The following KIF21B variants were observed in gnomAD, a reference collection of about 807,000 sequenced individuals.
The protein encoded by KIF21B is kinesin family member 21B.
Under a neutral mutation model 192.9 loss-of-function variants are expected in KIF21B, and 85 were observed. The ratio of observed to expected loss-of-function variants is 0.44; its 90% CI spans 0.37 to 0.53. The LOEUF is 0.53. Among genes scored for constraint, KIF21B ranks in the 20% least tolerant of loss-of-function variants. The probability of loss-of-function intolerance (pLI) is 0.00; values close to 1 mark genes in which losing one functional copy is unlikely to be tolerated. For missense variants in KIF21B, 1,716 were observed against 2,194.8 expected (o/e 0.78, Z 4.36); for synonymous variants, 832 against 884.6 (o/e 0.94, Z 1.05).
intron 6 of KIF21B, 91 bp downstream of exon 6, chr1:201,004,675 A>G: frequency 6.7e-7 from 1 of 1,486,346 alleles, no homozygotes; most frequent in Non-Finnish European, 9.4e-7. Context: ...ATGTCCAAGG[A>G]GGACTCAGCA....
At position 200,975,754 on chromosome 1, in the gene KIF21B, G is replaced by T; in HGVS notation, c.4444-85C>A. 1 of 1,354,650 alleles carries T rather than the reference G, an allele frequency of 7.4e-7. No individual in the cohort carries two copies. 83.9% of individuals were successfully genotyped at this position (1,354,650 alleles called of 1,614,324 possible). A position where few individuals can be genotyped will look rare whatever the true frequency, so the allele number is the denominator to read the frequency against. ...AGCACTGTGGACCCAGAGGCCTGAA[G>T]ACCCAGGAGTCTGGCTAGGGTGACA... On this transcript the variant is annotated intron_variant, in intron 32 of 34. Coordinates refer to ENST00000461742, the MANE Select transcript of KIF21B (RefSeq NM_001252102.2). The surrounding 1 kb of genome is among the most constrained non-coding windows in gnomAD (Gnocchi z 4.3).
In KIF21B at chr1:201,004,808, A is replaced by G. The variant is rs757781354; in HGVS notation, c.858T>C (p.Thr286=). Residue 286 remains threonine, a synonymous_variant, in exon 6 of 35, where the codon ACT becomes ACC. Coordinates refer to ENST00000461742, the MANE Select transcript of KIF21B (RefSeq NM_001252102.2). ...AGATGCCCTCCTTGGCCCGCTCGCCAGTAGCCCCTGTCCGCTTCAGCCGCT... is the reference window on the plus strand; with the variant it reads ...AGATGCCCTCCTTGGCCCGCTCGCCGGTAGCCCCTGTCCGCTTCAGCCGCT... ...GSERLKRTGA[T]GERAKEGISI... 2 of 1,614,094 alleles carry G rather than the reference A, an allele frequency of 1.2e-6. No homozygotes were observed. Among genetic ancestry groups the G allele is most frequent in the Non-Finnish European group, 1.7e-6 (2 of 1,180,028 alleles).
chr1:200,981,237 A>C (rs1453265439), intron 28 of KIF21B, 141 bp from the exon 29 acceptor site: 7 of 821,150 alleles, frequency 8.5e-6, no homozygotes, highest in South Asian at 4.2e-5. Context: ...ACTCCAGCCA[A>C]ATTCCACCAA....
Position 200,998,302 on chromosome 1 carries a change from A to T in KIF21B, c.2077+82T>A. On this transcript the variant is annotated intron_variant, in intron 14 of 34. Coordinates refer to ENST00000461742, the MANE Select transcript of KIF21B (RefSeq NM_001252102.2). The surrounding 1 kb of genome is among the most constrained non-coding windows in gnomAD (Gnocchi z 4.3). ...CCTAGAAGGCCAGGATAACCCCAAC[A>T]CACCAGCTGCTTTTGACAGAGGAGG... The T allele has an allele frequency of 7.2e-7, 1 of 1,392,116 alleles. No individual in the cohort carries two copies. Among genetic ancestry groups the T allele is most frequent in the Non-Finnish European group, 9.9e-7 (1 of 1,013,588 alleles). The allele number at this position is 1,392,116 out of a possible 1,614,324, so 86.2% of individuals were successfully genotyped here. A position where few individuals can be genotyped will look rare whatever the true frequency, so the allele number is the denominator to read the frequency against.
chr1:201,000,368 GC>G lies in KIF21B; in HGVS notation c.1685+21del. 6.5e-7 allele frequency: 1 copy of G among 1,535,578 alleles called. No individual in the cohort carries two copies. Among genetic ancestry groups the G allele is most frequent in the Admixed American group, 2.2e-5 (1 of 45,638 alleles). The stretch of plus-strand genomic sequence containing the variant: ...TGGGGCGGTCTGAGGGCTCTCAGGG[GC>G]GGGGACGACACTCCACTCACCTCTT... On this transcript the variant is annotated intron_variant, in intron 11 of 34. Transcript: ENST00000461742. This position sits in a 1 kb window ranked among gnomAD's most constrained non-coding sequence, Gnocchi z 6.0.
Position 201,004,823 on chromosome 1 carries a change from C to T in KIF21B, c.843G>A (p.Lys281=). 6.2e-7 allele frequency: 1 copy of T among 1,614,150 alleles called. No individual in the cohort carries two copies. Among genetic ancestry groups the T allele is most frequent in the South Asian group, 1.1e-5 (1 of 91,082 alleles). The part of the protein sequence containing the change: ...FVDLAGSERL[K]RTGATGERAK... ...CCCGCTCGCCAGTAGCCCCTGTCCG[C>T]TTCAGCCGCTCTGAGCCGGCCAGGT... Residue 281 remains lysine, a synonymous_variant, in exon 6 of 35, where the codon AAG becomes AAA. Transcript: ENST00000461742.
At position 201,010,996 on chromosome 1, in the gene KIF21B, C is replaced by T. The variant is rs550598488; in HGVS notation, c.42-1508G>A. ...TCTGGGCCTTCTTCAGAAGTGTTTC[C>T]GGGGTGTGAACAGGTTCTTATAGGT... On this transcript the variant is annotated intron_variant, in intron 1 of 34. Coordinates refer to ENST00000461742, the MANE Select transcript of KIF21B (RefSeq NM_001252102.2). Among the ~76,000 whole-genome samples the T allele has an allele frequency of 1.5e-4, 23 of 152,302 alleles. No individual in the cohort carries two copies. The East Asian group carries it at 1.5e-3, about 10-fold the overall frequency.
intron 34 of KIF21B, chr1:200,973,889 C>T: frequency 6.8e-7 from 1 of 1,469,416 alleles, no homozygotes; most frequent in Non-Finnish European, 9.0e-7. Flanking sequence ...GGGGCCTGTC[C>T]CACTGTTCAT....
chr1:200,978,712 G>C (rs563171771), intron 30 of KIF21B, among the ~76,000 whole-genome samples: 1 of 151,980 alleles, frequency 6.6e-6, no homozygotes, highest in Non-Finnish European at 1.5e-5. Flanking sequence ...TTTGAAACAG[G>C]GTCTTGCTCT....
rs1271640052 is a variant in KIF21B at position 200,989,901 on chromosome 1, G to A, written c.3132+41C>T. ...ACTAGGGTATATCACAGAGGCATCT[G>A]TGCCCATAGAGCCCCCTGCCCATGT... On this transcript the variant is annotated intron_variant, in intron 21 of 34. Coordinates refer to ENST00000461742, the MANE Select transcript of KIF21B (RefSeq NM_001252102.2). The A allele has an allele frequency of 2.0e-6, 3 of 1,490,740 alleles. No homozygotes were observed. In the African/African-American group the frequency reaches 4.2e-5, roughly 21 times the overall value. The allele number at this position is 1,490,740 out of a possible 1,614,324, so 92.3% of individuals were successfully genotyped here.
chr1:201,007,365 C>CACAGACAG (rs1266908315), intron 3 of KIF21B, among the ~76,000 whole-genome samples: 1 of 52,880 alleles, frequency 1.9e-5, no homozygotes, highest in Non-Finnish European at 3.5e-5. Context: ...GACACACACA[C>CACAGACAG]ACACACAGAG....
At chr1:200,988,573 G>C in intron 22 of KIF21B, 29 bp from the exon 23 acceptor site, 1 of 1,530,500 alleles carries the variant, frequency 6.5e-7, no homozygotes, top group Non-Finnish European at 8.9e-7. Context: ...GAGGGAAAGG[G>C]GTTGAGAAGC....
intron 1 of KIF21B, among the ~76,000 whole-genome samples, chr1:201,015,237 C>CA (rs1455059403): frequency 6.6e-6 from 1 of 152,220 alleles, no homozygotes; most frequent in African/African-American, 2.4e-5. Flanking sequence ...GGAGAACTGG[C>CA]ATGCTCGCAG....
At chr1:201,004,541 C>T in intron 6 of KIF21B, 86 bp from the exon 7 acceptor site, 1 of 1,261,232 alleles carries the variant, frequency 7.9e-7, no homozygotes, top group Non-Finnish European at 1.1e-6. Context: ...CCATCTGTAC[C>T]TGCCTCTTTG....
At chr1:200,992,226 G>A in intron 16 of KIF21B, 56 bp downstream of exon 16, 5 of 1,521,920 alleles carry the variant, frequency 3.3e-6, no homozygotes, top group South Asian at 1.1e-5. Flanking sequence ...GGTGCACCAG[G>A]AGGCTGGGAG....
chr1:201,003,610 C>T lies in KIF21B; in HGVS notation c.1188G>A (p.Gln396=). The change falls in exon 8 of 35, where the codon CAG becomes CAA. Residue 396 remains glutamine (Q), a synonymous_variant. Coordinates refer to ENST00000461742, the MANE Select transcript of KIF21B (RefSeq NM_001252102.2). ...CCGCCTTATACTCCATCAGCTCCAT[C>T]TGCAGCCGAGCAATCTCAGCCCGCA... The part of the protein sequence containing the change: ...SALRAEIARL[Q]MELMEYKAGK... 1 of 1,614,114 alleles carries T rather than the reference C, an allele frequency of 6.2e-7. No homozygotes were observed. The highest frequency in any genetic ancestry group is 8.5e-7 in the Non-Finnish European group (1 of 1,180,054).
At chr1:201,015,487 A>G (rs902398191) in intron 1 of KIF21B, among the ~76,000 whole-genome samples, 1 of 152,236 alleles carries the variant, frequency 6.6e-6, no homozygotes, top group Non-Finnish European at 1.5e-5. Context: ...AGCTGGTGAG[A>G]CAGCCTAGGG....
At chr1:200,985,304 G>A (rs139460725) in intron 26 of KIF21B, among the ~76,000 whole-genome samples, 12 of 152,198 alleles carry the variant, frequency 7.9e-5, no homozygotes, top group African/African-American at 2.4e-4. Flanking sequence ...CCTGGGCAAC[G>A]TGGTGAGGCC....
chr1:201,000,266 C>G lies in KIF21B; in HGVS notation c.1685+124G>C. The G allele has an allele frequency of 9.7e-7, 1 of 1,034,470 alleles. No individual in the cohort carries two copies. Among genetic ancestry groups the G allele is most frequent in the South Asian group, 1.6e-5 (1 of 64,140 alleles). The allele number at this position is 1,034,470 out of a possible 1,614,324, so 64.1% of individuals were successfully genotyped here. Reference sequence around the variant, plus strand: ...ATTCCCAAGCAATACTGAGGCAGCCCCTGGGGCTGGGGGCGTGGAGGTTCC... The same window carrying G: ...ATTCCCAAGCAATACTGAGGCAGCCGCTGGGGCTGGGGGCGTGGAGGTTCC... On this transcript the variant is annotated intron_variant, in intron 11 of 34. Transcript: ENST00000461742. This position sits in a 1 kb window ranked among gnomAD's most constrained non-coding sequence, Gnocchi z 6.0.
Sources: allele counts gnomAD v4.1 joint callset (sites outside exome capture counted in the v4.1 genomes callset), GRCh38; gene constraint gnomAD v4.1.1; non-coding constraint Gnocchi (gnomAD v3.1); transcripts MANE v1.5; gene names NCBI Gene and HGNC (gene_info 2026-07-23, HGNC 2026-07-21).